The following NRCAM variants were observed in gnomAD, a reference collection of about 807,000 sequenced individuals.
NRCAM encodes neuronal cell adhesion molecule, also known as NgCAM-related cell adhesion molecule.
A neutral mutation model predicts 156.5 loss-of-function variants in NRCAM; 83 were observed. The observed-to-expected ratio is 0.53, with a 90% CI of 0.44 to 0.64. The LOEUF (loss-of-function observed/expected upper bound fraction) is 0.64. NRCAM is among the 30% of genes least tolerant of loss of function. NRCAM has a pLI of 0.00. For synonymous variants in NRCAM, 538 were observed against 563.9 expected (o/e 0.95, Z 0.65); for missense variants, 1,417 against 1,597.3 (o/e 0.89, Z 1.92).
intron 2 of NRCAM, among the ~76,000 whole-genome samples, chr7:108,323,555 C>A (rs1016350862): frequency 1.3e-5 from 2 of 152,142 alleles, no homozygotes; most frequent in Non-Finnish European, 2.9e-5. Context: ...AAAGCAAATT[C>A]TTTTTCCCAC....
At chr7:108,208,532 T>C (rs187308185) in intron 12 of NRCAM, among the ~76,000 whole-genome samples, 1 of 152,296 alleles carries the variant, frequency 6.6e-6, no homozygotes, top group East Asian at 1.9e-4. Context: ...CTGTTAGGAT[T>C]TCCGTTTTTG....
chr7:108,370,810 C>T (rs1383909555), intron 2 of NRCAM, among the ~76,000 whole-genome samples: 1 of 152,066 alleles, frequency 6.6e-6, no homozygotes, highest in African/African-American at 2.4e-5. Context: ...ACCCACATTC[C>T]CAGGCTTAAA....
At chr7:108,205,155 C>G (rs1191024809) in intron 13 of NRCAM, among the ~76,000 whole-genome samples, 1 of 152,130 alleles carries the variant, frequency 6.6e-6, no homozygotes, top group Non-Finnish European at 1.5e-5. Context: ...GGGTTTCCCC[C>G]TCATGAATGA....
intron 13 of NRCAM, among the ~76,000 whole-genome samples, chr7:108,199,519 C>T (rs2076857340): frequency 6.6e-6 from 1 of 152,212 alleles, no homozygotes. Flanking sequence ...TCTGAAGGTT[C>T]TAGGGGAGAA....
At chr7:108,173,835 A>T (rs898617252) in intron 28 of NRCAM, among the ~76,000 whole-genome samples, 1 of 152,216 alleles carries the variant, frequency 6.6e-6, no homozygotes, top group Non-Finnish European at 1.5e-5. Flanking sequence ...CTCTTTAAAT[A>T]TAGAATTTAG....
intron 21 of NRCAM, 50 bp downstream of exon 21, chr7:108,184,367 A>G (rs1209835503): frequency 1.2e-6 from 2 of 1,613,610 alleles, no homozygotes; most frequent in Non-Finnish European, 1.7e-6. Flanking sequence ...AAGAGTGGAA[A>G]ACTTTTTTAT....
chr7:108,248,240 C>T (rs1229959630), intron 3 of NRCAM, among the ~76,000 whole-genome samples: 1 of 152,156 alleles, frequency 6.6e-6, no homozygotes, highest in Non-Finnish European at 1.5e-5. Context: ...GAAAGCAACA[C>T]ATGGCAAAAT....
At chr7:108,183,266 T>C (rs958102506) in intron 22 of NRCAM, among the ~76,000 whole-genome samples, 6 of 148,576 alleles carry the variant, frequency 4.0e-5, no homozygotes, top group East Asian at 2.1e-4. Context: ...TAGTACATCA[T>C]TGTCCATTTT....
chr7:108,319,202 T>C (rs2098970195), intron 2 of NRCAM, among the ~76,000 whole-genome samples: 1 of 152,234 alleles, frequency 6.6e-6, no homozygotes, highest in Non-Finnish European at 1.5e-5. Flanking sequence ...CTTCCAACTC[T>C]GTAAGTTAAT....
chr7:108,364,919 T>C (rs932457511), intron 2 of NRCAM, among the ~76,000 whole-genome samples: 5 of 152,192 alleles, frequency 3.3e-5, no homozygotes, highest in African/African-American at 1.2e-4. Flanking sequence ...ATAATGATGA[T>C]GGTTGCACAA....
chr7:108,184,334 T>G (rs373585130), intron 21 of NRCAM, 23 bp from the exon 22 acceptor site: 35 of 1,613,748 alleles, frequency 2.2e-5, no homozygotes, highest in African/African-American at 2.7e-5. Flanking sequence ...CAGCCACACA[T>G]GTGTAAGCTT....
chr7:108,400,675 A>G (rs1430826970), intron 1 of NRCAM, among the ~76,000 whole-genome samples: 3 of 152,210 alleles, frequency 2.0e-5, no homozygotes, highest in Non-Finnish European at 4.4e-5. Flanking sequence ...TTAAATTGAT[A>G]GTATCCAAAA....
rs1368840846 is a variant in NRCAM at position 108,301,099 on chromosome 7, T to A, written c.-107+11566A>T. ...AAAAAACAAAGAATAATTTTGATAATAAAATGAATTTAAATTGTAATGAAT... is the reference window on the plus strand; with the variant it reads ...AAAAAACAAAGAATAATTTTGATAAAAAAATGAATTTAAATTGTAATGAAT... On this transcript the variant is annotated intron_variant, in intron 3 of 32. Coordinates refer to ENST00000379028, the MANE Select transcript of NRCAM (RefSeq NM_001037132.4). 9.9e-5 allele frequency among the ~76,000 whole-genome samples: 15 copies of A among 152,280 alleles called. No individual in the cohort carries two copies. In the East Asian group the frequency reaches 2.9e-3, roughly 29 times the overall value.
chr7:108,268,628 G>GT, intron 3 of NRCAM, among the ~76,000 whole-genome samples: 1 of 133,988 alleles, frequency 7.5e-6, no homozygotes, highest in African/African-American at 2.6e-5. Flanking sequence ...GTGGGGGTGG[G>GT]GGGGGGTTGG....
intron 2 of NRCAM, among the ~76,000 whole-genome samples, chr7:108,391,504 C>CT (rs1422933413): frequency 6.6e-6 from 1 of 151,956 alleles, no homozygotes; most frequent in African/African-American, 2.4e-5. Flanking sequence ...ATACAGCACA[C>CT]TGATGGGTCT....
At chr7:108,378,894 A>C (rs1392787788) in intron 2 of NRCAM, among the ~76,000 whole-genome samples, 1 of 152,166 alleles carries the variant, frequency 6.6e-6, no homozygotes, top group East Asian at 1.9e-4. Flanking sequence ...TACTTGAACA[A>C]ACAGGAAAGC....
chr7:108,201,078 A>T (rs531056967), intron 13 of NRCAM, among the ~76,000 whole-genome samples: 7 of 152,092 alleles, frequency 4.6e-5, no homozygotes, highest in African/African-American at 1.4e-4. Flanking sequence ...CTCAGAACTT[A>T]TTCATGTAAC....
chr7:108,390,031 C>T (rs1420510254), intron 2 of NRCAM, among the ~76,000 whole-genome samples: 2 of 152,084 alleles, frequency 1.3e-5, no homozygotes, highest in African/African-American at 2.4e-5. Flanking sequence ...TTTGTTATGT[C>T]TCTGCCAGGC....
At chr7:108,397,280 TACAG>T (rs1360703356) in intron 2 of NRCAM, among the ~76,000 whole-genome samples, 1 of 152,190 alleles carries the variant, frequency 6.6e-6, no homozygotes, top group Admixed American at 6.5e-5. Flanking sequence ...GGTAGTGAAC[TACAG>T]AGAGTAAAAA....
Sources: allele counts gnomAD v4.1 joint callset (sites outside exome capture counted in the v4.1 genomes callset), GRCh38; gene constraint gnomAD v4.1.1; transcripts MANE v1.5; gene names NCBI Gene and HGNC (gene_info 2026-07-23, HGNC 2026-07-21).